Variants in DAPK1 observed in about 807,000 individuals in gnomAD.
DAPK1 encodes death-associated protein kinase 1.
DAPK1 carries 56 observed loss-of-function variants against 144.9 expected under a neutral mutation model. The ratio of observed to expected loss-of-function variants is 0.39; its 90% CI spans 0.31 to 0.48. The LOEUF (loss-of-function observed/expected upper bound fraction) is 0.48. Ranked by LOEUF, DAPK1 falls within the 20% of genes least tolerant of loss-of-function variation. The pLI is 0.95. For synonymous variants in DAPK1, 690 were observed against 749.0 expected (o/e 0.92, Z 1.29); for missense variants, 1,454 against 1,875.4 (o/e 0.78, Z 4.15).
chr9:87,688,861 G>A (rs1410054743), intron 21 of DAPK1, among the ~76,000 whole-genome samples: 2 of 152,100 alleles, frequency 1.3e-5, no homozygotes, highest in African/African-American at 4.8e-5. Context: ...TGCATAGTTT[G>A]TGAATATTTC....
At position 87,650,017 on chromosome 9, in the gene DAPK1, C is replaced by T. The variant is rs202015930; in HGVS notation, c.1525C>T (p.Arg509Ter). Residue 509 changes from arginine (R) to a stop codon, truncating the protein, a stop_gained, in exon 16 of 26, where the codon CGA (arginine) becomes TGA (stop). Transcript: ENST00000408954. LOFTEE classifies it high-confidence loss of function. ...EAGCNVNIKN[R>*]EGETPLLTAS... ...CGGCTGTAACGTGAACATCAAGAAC[C>T]GAGAAGGAGAGACGCCCCTCCTGAC... 4 of 1,614,154 alleles carry T rather than the reference C, an allele frequency of 2.5e-6. No homozygotes were observed. The highest frequency in any genetic ancestry group is 1.7e-5 in the Admixed American group (1 of 60,018).
chr9:87,535,225 A>G lies in DAPK1; in HGVS notation c.62+36086A>G, dbSNP rs568465592. On this transcript the variant is annotated intron_variant, in intron 2 of 25. Transcript: ENST00000408954. Reference sequence around the variant, plus strand: ...CCTCTGGCTTGAGAACTGCATTTCCATTAGCCCCCCTTTCGTTCTCTTTAA... The same window carrying G: ...CCTCTGGCTTGAGAACTGCATTTCCGTTAGCCCCCCTTTCGTTCTCTTTAA... Among the ~76,000 whole-genome samples the G allele has an allele frequency of 6.6e-5, 10 of 152,034 alleles. No homozygotes were observed. The East Asian group carries it at 1.4e-3, about 21-fold the overall frequency.
intron 19 of DAPK1, among the ~76,000 whole-genome samples, chr9:87,680,998 G>A (rs768371133): frequency 1.3e-5 from 2 of 152,086 alleles, no homozygotes; most frequent in Admixed American, 6.5e-5. Context: ...TAAACATACC[G>A]CCAGGCACGG....
intron 2 of DAPK1, among the ~76,000 whole-genome samples, chr9:87,597,826 T>C (rs1181129139): frequency 6.6e-6 from 1 of 152,110 alleles, no homozygotes; most frequent in Non-Finnish European, 1.5e-5. Context: ...CTGCCTCTGC[T>C]CACACTGTTC....
chr9:87,499,031 A>G lies in DAPK1; in HGVS notation c.-47A>G, dbSNP rs1160322674. On this transcript the variant is annotated 5_prime_UTR_variant, in exon 2 of 26. Transcript: ENST00000408954. ...CAGGAGCGGTGGTGATGGTCTGGGAAGCGGAGCTGAAGTGCCCTGGGCTTT... is the reference window on the plus strand; with the variant it reads ...CAGGAGCGGTGGTGATGGTCTGGGAGGCGGAGCTGAAGTGCCCTGGGCTTT... 2.6e-6 allele frequency: 4 copies of G among 1,563,868 alleles called. No homozygotes were observed. The highest frequency in any genetic ancestry group is 3.5e-6 in the Non-Finnish European group (4 of 1,134,456).
intron 3 of DAPK1, among the ~76,000 whole-genome samples, chr9:87,623,860 C>T (rs1048529741): frequency 6.6e-6 from 1 of 152,144 alleles, no homozygotes; most frequent in African/African-American, 2.4e-5. Context: ...AGCAAAACCC[C>T]TCAGATAGGA....
intron 2 of DAPK1, among the ~76,000 whole-genome samples, chr9:87,576,313 T>C (rs1473857412): frequency 6.6e-6 from 1 of 152,250 alleles, no homozygotes; most frequent in African/African-American, 2.4e-5. Context: ...CTAATAATTA[T>C]AAGAATAAAA....
In DAPK1 at chr9:87,707,461, C is replaced by T; in HGVS notation, c.*97C>T. The T allele has an allele frequency of 1.2e-6, 1 of 805,744 alleles. No individual in the cohort carries two copies. The highest frequency in any genetic ancestry group is 2.6e-5 in the East Asian group (1 of 37,740). The allele number at this position is 805,744 out of a possible 1,614,324, so 49.9% of individuals were successfully genotyped here. Reference sequence around the variant, plus strand: ...TTTGGAGATGCTGAGGGTGTTTCTTCCTGCACCCACAGCCAGGGGGATGCC... The same window carrying T: ...TTTGGAGATGCTGAGGGTGTTTCTTTCTGCACCCACAGCCAGGGGGATGCC... On this transcript the variant is annotated 3_prime_UTR_variant, in exon 26 of 26. Coordinates refer to ENST00000408954, the MANE Select transcript of DAPK1 (RefSeq NM_004938.4). This position sits in a 1 kb window ranked among gnomAD's most constrained non-coding sequence, Gnocchi z 4.0.
intron 19 of DAPK1, among the ~76,000 whole-genome samples, chr9:87,669,591 T>C (rs1488167564): frequency 1.3e-5 from 2 of 152,134 alleles, no homozygotes; most frequent in Non-Finnish European, 2.9e-5. Flanking sequence ...AAAATGATAA[T>C]TCATTTGGTT....
chr9:87,667,009 G>A (rs74602266), intron 18 of DAPK1, among the ~76,000 whole-genome samples: 168 of 152,322 alleles, frequency 1.1e-3, no homozygotes, highest in African/African-American at 3.8e-3. Flanking sequence ...TGGGAGCCCA[G>A]GATGTACCCC....
Position 87,576,239 on chromosome 9 carries a change from T to G in DAPK1, c.63-28715T>G, listed in dbSNP as rs753024832. Among the ~76,000 whole-genome samples the G allele has an allele frequency of 2.6e-4, 39 of 152,138 alleles. 1 individual carries two copies. The highest frequency in any genetic ancestry group is 5.9e-4 in the Admixed American group (9 of 15,282). On this transcript the variant is annotated intron_variant, in intron 2 of 25. Coordinates refer to ENST00000408954, the MANE Select transcript of DAPK1 (RefSeq NM_004938.4). Reference sequence around the variant, plus strand: ...CAGAGTTAATGAAAATGTGTTTGAGTTTGTGCTAAAGGCAAGCTGAGCAGA... The same window carrying G: ...CAGAGTTAATGAAAATGTGTTTGAGGTTGTGCTAAAGGCAAGCTGAGCAGA...
In DAPK1 at chr9:87,707,392, G is replaced by C; in HGVS notation, c.*28G>C. 6.6e-7 allele frequency: 1 copy of C among 1,513,264 alleles called. No homozygotes were observed. The highest frequency in any genetic ancestry group is 9.0e-7 in the Non-Finnish European group (1 of 1,108,124). The allele number at this position is 1,513,264 out of a possible 1,614,324, so 93.7% of individuals were successfully genotyped here. On this transcript the variant is annotated 3_prime_UTR_variant, in exon 26 of 26. Coordinates refer to ENST00000408954, the MANE Select transcript of DAPK1 (RefSeq NM_004938.4). This position sits in a 1 kb window ranked among gnomAD's most constrained non-coding sequence, Gnocchi z 4.0. ...GCAGCCTCTGGCTTGGGCAGGGTCT[G>C]TTTGGACTGCAGAAGCAAGGGGGTG...
chr9:87,563,503 G>A, intron 2 of DAPK1, among the ~76,000 whole-genome samples: 1 of 152,148 alleles, frequency 6.6e-6, no homozygotes, highest in Non-Finnish European at 1.5e-5. Flanking sequence ...CCTGAATTGG[G>A]GCTGGCCTTG....
At chr9:87,565,983 C>A (rs139225308) in intron 2 of DAPK1, among the ~76,000 whole-genome samples, 35 of 151,426 alleles carry the variant, frequency 2.3e-4, no homozygotes, top group African/African-American at 8.3e-4. Context: ...AGTGGCAGTG[C>A]TGAGATTTGA....
At chr9:87,545,226 C>T (rs1417576873) in intron 2 of DAPK1, among the ~76,000 whole-genome samples, 1 of 152,178 alleles carries the variant, frequency 6.6e-6, no homozygotes, top group Non-Finnish European at 1.5e-5. Context: ...CCCAATTCTC[C>T]TTGCAAACCA....
intron 2 of DAPK1, among the ~76,000 whole-genome samples, chr9:87,602,738 A>G (rs538579652): frequency 4.6e-5 from 7 of 152,046 alleles, no homozygotes; most frequent in African/African-American, 1.7e-4. Flanking sequence ...GGTTCAAGCA[A>G]TTCTCCTGCC....
intron 2 of DAPK1, among the ~76,000 whole-genome samples, chr9:87,585,798 G>A (rs1827925728): frequency 6.6e-6 from 1 of 152,232 alleles, no homozygotes; most frequent in Non-Finnish European, 1.5e-5. Context: ...AGTAGGGCTG[G>A]TTTGAACAAG....
At chr9:87,574,396 A>T (rs892075748) in intron 2 of DAPK1, among the ~76,000 whole-genome samples, 2 of 152,224 alleles carry the variant, frequency 1.3e-5, no homozygotes, top group Non-Finnish European at 2.9e-5. Flanking sequence ...ATTCAAACCT[A>T]GGTAATGTTT....
intron 20 of DAPK1, 66 bp downstream of exon 20, chr9:87,681,692 G>A (rs1258884488): frequency 1.2e-6 from 1 of 825,322 alleles, no homozygotes; most frequent in Non-Finnish European, 2.1e-6. Flanking sequence ...CTCCTTTCAA[G>A]GTCTAGGGGG....
Sources: allele counts gnomAD v4.1 joint callset (sites outside exome capture counted in the v4.1 genomes callset), GRCh38; gene constraint gnomAD v4.1.1; non-coding constraint Gnocchi (gnomAD v3.1); transcripts MANE v1.5; gene names NCBI Gene and HGNC (gene_info 2026-07-23, HGNC 2026-07-21).